TMEM132D: variants seen among roughly 807,000 people sequenced by gnomAD.
The protein encoded by TMEM132D is mature OL transmembrane protein.
In TMEM132D, 21 loss-of-function variants were observed where a neutral mutation model predicts 62.3. That is an observed-to-expected ratio of 0.34 (90% CI 0.24 to 0.49). The LOEUF is 0.49. TMEM132D is among the 20% of genes least tolerant of loss of function. The pLI is 0.99. For missense variants in TMEM132D, 1,346 were observed against 1,402.8 expected (o/e 0.96, Z 0.65); for synonymous variants, 621 against 575.6 (o/e 1.08, Z -1.13).
intron 3 of TMEM132D, among the ~76,000 whole-genome samples, chr12:129,451,027 G>A (rs772300271): frequency 1.6e-4 from 24 of 152,172 alleles, no homozygotes; most frequent in South Asian, 4.1e-4. Flanking sequence ...CTCCCAAAGT[G>A]CTGGGATTAC....
intron 4 of TMEM132D, among the ~76,000 whole-genome samples, chr12:129,295,819 T>G (rs1462651387): frequency 2.6e-5 from 4 of 152,204 alleles, no homozygotes; most frequent in Non-Finnish European, 4.4e-5. Context: ...TTATAATACC[T>G]AATACAATGT....
intron 3 of TMEM132D, among the ~76,000 whole-genome samples, chr12:129,423,132 T>C (rs141429755): frequency 5.9e-5 from 9 of 152,008 alleles, no homozygotes; most frequent in Middle Eastern, 3.4e-3. Flanking sequence ...CACAGAACAA[T>C]TTCTAAATTA....
chr12:129,591,539 G>GTT (rs1217408139), intron 2 of TMEM132D, among the ~76,000 whole-genome samples: 64 of 80,352 alleles, frequency 8.0e-4, no homozygotes, highest in African/African-American at 3.1e-3. Flanking sequence ...TTGGCTTTTG[G>GTT]GTTTTTTTTT....
chr12:129,862,116 T>C (rs775329480), intron 1 of TMEM132D, among the ~76,000 whole-genome samples: 3 of 152,226 alleles, frequency 2.0e-5, no homozygotes, highest in Non-Finnish European at 4.4e-5. Context: ...TGTCTCCTGT[T>C]TAGCTGGCTT....
intron 2 of TMEM132D, among the ~76,000 whole-genome samples, chr12:129,636,306 G>A (rs1879473821): frequency 6.6e-6 from 1 of 152,156 alleles, no homozygotes; most frequent in South Asian, 2.1e-4. Flanking sequence ...ATCTATTTTG[G>A]GTAAAATGCT....
chr12:129,847,036 A>T (rs1167388869), intron 1 of TMEM132D, among the ~76,000 whole-genome samples: 1 of 152,222 alleles, frequency 6.6e-6, no homozygotes, highest in Non-Finnish European at 1.5e-5. Flanking sequence ...AATTTACCCC[A>T]GAGAGAATTT....
At chr12:129,859,865 G>A (rs79593291) in intron 1 of TMEM132D, among the ~76,000 whole-genome samples, 6 of 152,222 alleles carry the variant, frequency 3.9e-5, no homozygotes, top group East Asian at 1.9e-4. Context: ...TGATCAGACC[G>A]AGCCACTACT....
chr12:129,670,727 G>A (rs540688909), intron 2 of TMEM132D, among the ~76,000 whole-genome samples: 1 of 152,278 alleles, frequency 6.6e-6, no homozygotes, highest in South Asian at 2.1e-4. Context: ...TGATGAATCG[G>A]CTCTGTCTAG....
intron 3 of TMEM132D, among the ~76,000 whole-genome samples, chr12:129,496,614 G>A (rs1278518866): frequency 6.6e-6 from 1 of 151,916 alleles, no homozygotes; most frequent in Non-Finnish European, 1.5e-5. Context: ...GGAGGAAAGA[G>A]AAATATATGT....
At chr12:129,829,490 G>T (rs1872764651) in intron 1 of TMEM132D, among the ~76,000 whole-genome samples, 2 of 152,130 alleles carry the variant, frequency 1.3e-5, no homozygotes, top group South Asian at 4.1e-4. Context: ...CCTAAGGAAT[G>T]AGACTAAAGC....
chr12:129,210,107 T>G, intron 4 of TMEM132D: 1 of 164,352 alleles, frequency 6.1e-6, no homozygotes. Context: ...GAAGGCAGGA[T>G]TTGAACCTGG....
At chr12:129,754,821 A>C (rs1278869632) in intron 1 of TMEM132D, among the ~76,000 whole-genome samples, 2 of 152,170 alleles carry the variant, frequency 1.3e-5, no homozygotes, top group African/African-American at 2.4e-5. Context: ...AGACTCAGAG[A>C]CTAAAATAGA....
intron 2 of TMEM132D, among the ~76,000 whole-genome samples, chr12:129,579,283 T>TCTTTC (rs1877773439): frequency 1.3e-5 from 2 of 152,324 alleles, no homozygotes; most frequent in South Asian, 4.2e-4. Flanking sequence ...ATCCTTAGAA[T>TCTTTC]TTACACAGAT....
At chr12:129,824,128 G>A (rs2173910) in intron 1 of TMEM132D, among the ~76,000 whole-genome samples, 61,162 of 151,886 alleles carry the variant, frequency 0.4, 13,058 homozygotes, top group Non-Finnish European at 0.47. Flanking sequence ...GCAAGAATTC[G>A]AACCCAGGAA....
chr12:129,292,681 T>C (rs962033118), intron 4 of TMEM132D, among the ~76,000 whole-genome samples: 1 of 152,164 alleles, frequency 6.6e-6, no homozygotes. Context: ...ATTGATAATA[T>C]TGAAGATTAC....
intron 2 of TMEM132D, among the ~76,000 whole-genome samples, chr12:129,536,338 A>C (rs1173593198): frequency 6.6e-6 from 1 of 152,198 alleles, no homozygotes; most frequent in Non-Finnish European, 1.5e-5. Flanking sequence ...GGTCACAGCA[A>C]AGCTTTTTTG....
intron 3 of TMEM132D, among the ~76,000 whole-genome samples, chr12:129,453,225 T>G (rs1378267797): frequency 6.6e-6 from 1 of 152,208 alleles, no homozygotes; most frequent in African/African-American, 2.4e-5. Flanking sequence ...AACCAGTCCC[T>G]GGTGCCAAAA....
Position 129,073,981 on chromosome 12 carries a change from A to G in TMEM132D, c.3194T>C (p.Ile1065Thr), listed in dbSNP as rs1409832386. 6.2e-7 allele frequency: 1 copy of G among 1,613,878 alleles called. No homozygotes were observed. Among genetic ancestry groups the G allele is most frequent in the African/African-American group, 1.3e-5 (1 of 75,016 alleles). The change falls in exon 9 of 9, where the codon ATC becomes ACC. Residue 1065 changes from isoleucine to threonine, a missense_variant. Physicochemically the swap from Ile to Thr is moderately conservative, Grantham distance 89 (BLOSUM62 -1). Transcript: ENST00000422113. ...SDDEYPTRNS[I>T]VMSSEDDIKW... The stretch of plus-strand genomic sequence containing the variant: ...AATGTCATCCTCGCTACTCATCACG[A>G]TGGAGTTCCTGGTGGGGTACTCGTC...
At chr12:129,584,554 CA>C (rs1348121700) in intron 2 of TMEM132D, among the ~76,000 whole-genome samples, 1 of 152,174 alleles carries the variant, frequency 6.6e-6, no homozygotes, top group Non-Finnish European at 1.5e-5. Flanking sequence ...AAGCATGAAG[CA>C]AGCCACCCGG....
Sources: gnomAD v4.1 joint callset for allele counts (sites outside exome capture counted in the v4.1 genomes callset) on GRCh38, gnomAD v4.1.1 for gene constraint, MANE v1.5 for transcripts, NCBI Gene and HGNC (gene_info 2026-07-23, HGNC 2026-07-21) for gene names.